Variants in WASF3 observed in about 807,000 individuals in gnomAD.
WASF3 encodes the protein WASP family member 3, also known as actin-binding protein WASF3.
Under a neutral mutation model 46.6 loss-of-function variants are expected in WASF3, and 11 were observed. The observed-to-expected ratio is 0.24, with a 90% CI of 0.15 to 0.39. The LOEUF (loss-of-function observed/expected upper bound fraction) is 0.39, where lower values mean the gene tolerates loss of function less well. WASF3 is among the 10% of genes least tolerant of loss of function. The probability of loss-of-function intolerance (pLI) is 1.00; values close to 1 mark genes in which losing one functional copy is unlikely to be tolerated. For synonymous variants in WASF3, 242 were observed against 259.7 expected, an observed-to-expected ratio of 0.93 and a Z score of 0.65; for missense variants, 576 against 669.8, an observed-to-expected ratio of 0.86 and a Z score of 1.55.
chr13:26,593,401 G>C (rs1191163266), intron 1 of WASF3, among the ~76,000 whole-genome samples: 2 of 152,054 alleles, frequency 1.3e-5, no homozygotes, highest in Non-Finnish European at 2.9e-5. Context: ...TGTCCACTCT[G>C]TTTATAATTT....
At chr13:26,666,796 G>A (rs896543601) in intron 4 of WASF3, among the ~76,000 whole-genome samples, 1 of 149,522 alleles carries the variant, frequency 6.7e-6, no homozygotes, top group African/African-American at 2.5e-5. Context: ...CTACTCGGGA[G>A]GCTGAGGCAG....
At chr13:26,671,666 C>T (rs1241830178) in intron 5 of WASF3, among the ~76,000 whole-genome samples, 1 of 152,076 alleles carries the variant, frequency 6.6e-6, no homozygotes, top group Non-Finnish European at 1.5e-5. Context: ...TTTTAACCTA[C>T]AACAGGTTAT....
chr13:26,669,338 A>AG (rs150708728), intron 5 of WASF3, among the ~76,000 whole-genome samples: 51,773 of 148,850 alleles, frequency 0.35, 9,501 homozygotes, highest in African/African-American at 0.46. Flanking sequence ...CAGCCTCCTG[A>AG]TATCTTTGAC....
At chr13:26,636,875 G>A (rs1881840962) in intron 2 of WASF3, among the ~76,000 whole-genome samples, 1 of 141,960 alleles carries the variant, frequency 7.0e-6, no homozygotes, top group South Asian at 2.1e-4. Context: ...CCTCAGCATT[G>A]GGGGATGCAA....
chr13:26,639,006 T>C (rs1298850291), intron 2 of WASF3, among the ~76,000 whole-genome samples: 3 of 152,212 alleles, frequency 2.0e-5, no homozygotes, highest in Non-Finnish European at 4.4e-5. Context: ...TTTTCCACCA[T>C]GAGTGGAAGC....
rs140517147 is a variant in WASF3 at position 26,661,038 on chromosome 13, G to A, written c.134-3990G>A. 8.2e-4 allele frequency among the ~76,000 whole-genome samples: 125 copies of A among 152,284 alleles called. No homozygotes were observed. In the Middle Eastern group the frequency reaches 0.024, roughly 29 times the overall value. On this transcript the variant is annotated intron_variant, in intron 3 of 9. Coordinates refer to ENST00000335327, the MANE Select transcript of WASF3 (RefSeq NM_006646.6). ...ACAGGAACTACTAGAGCAAAAACTC[G>A]CTCACCCAGGGAGGGCATTAGTCTA...
At chr13:26,570,302 A>AT (rs1368710708) in intron 1 of WASF3, among the ~76,000 whole-genome samples, 2 of 152,096 alleles carry the variant, frequency 1.3e-5, no homozygotes, top group Non-Finnish European at 2.9e-5. Context: ...AAAACAAAAA[A>AT]TTACACCTTG....
intron 1 of WASF3, among the ~76,000 whole-genome samples, chr13:26,588,090 C>T (rs933348375): frequency 3.3e-5 from 5 of 152,084 alleles, no homozygotes; most frequent in African/African-American, 1.2e-4. Context: ...AAGACTCAGT[C>T]TATTAAATAA....
chr13:26,573,640 T>G (rs1372055146), intron 1 of WASF3, among the ~76,000 whole-genome samples: 1 of 152,192 alleles, frequency 6.6e-6, no homozygotes, highest in Non-Finnish European at 1.5e-5. Context: ...TTTTTGTTCT[T>G]AATTTCTAGT....
At chr13:26,616,521 T>C (rs1881138487) in intron 2 of WASF3, among the ~76,000 whole-genome samples, 1 of 152,208 alleles carries the variant, frequency 6.6e-6, no homozygotes, top group South Asian at 2.1e-4. Context: ...GATATATGAT[T>C]TGTAGTTTTA....
At chr13:26,582,876 A>G (rs1880026059) in intron 1 of WASF3, among the ~76,000 whole-genome samples, 1 of 152,148 alleles carries the variant, frequency 6.6e-6, no homozygotes, top group Admixed American at 6.5e-5. Flanking sequence ...TTCTGAGACC[A>G]TACCTTGGAA....
upstream of WASF3, among the ~76,000 whole-genome samples, chr13:26,554,246 C>T (rs1233500468): frequency 6.6e-6 from 1 of 151,890 alleles, no homozygotes; most frequent in Non-Finnish European, 1.5e-5. Flanking sequence ...CCTGCCTTAG[C>T]CTCCTTCTGA....
chr13:26,564,033 C>G (rs1438227749), intron 1 of WASF3, among the ~76,000 whole-genome samples: 1 of 151,956 alleles, frequency 6.6e-6, no homozygotes, highest in Non-Finnish European at 1.5e-5. Context: ...GTTCTTGAAC[C>G]TTTTTGGTAT....
chr13:26,622,904 A>C (rs1410084205), intron 2 of WASF3, among the ~76,000 whole-genome samples: 1 of 152,222 alleles, frequency 6.6e-6, no homozygotes, highest in African/African-American at 2.4e-5. Context: ...TTCTCTTCCA[A>C]TTAGGATATA....
chr13:26,625,533 T>G (rs1011853946), intron 2 of WASF3, among the ~76,000 whole-genome samples: 10 of 152,108 alleles, frequency 6.6e-5, no homozygotes, highest in Middle Eastern at 3.4e-3. Context: ...TGTCCCAACT[T>G]AAGAAGAGAG....
intron 1 of WASF3, among the ~76,000 whole-genome samples, chr13:26,572,399 TGC>T (rs2137155350): frequency 6.6e-6 from 1 of 152,336 alleles, no homozygotes; most frequent in African/African-American, 2.4e-5. Flanking sequence ...TAAGAAAGTA[TGC>T]GTCTACTCCT....
At chr13:26,579,664 C>A (rs1593377231) in intron 1 of WASF3, among the ~76,000 whole-genome samples, 1 of 152,186 alleles carries the variant, frequency 6.6e-6, no homozygotes, top group Non-Finnish European at 1.5e-5. Context: ...CTCTCTGTAA[C>A]AGCCCCCTGG....
At chr13:26,625,370 G>T (rs938387640) in intron 2 of WASF3, among the ~76,000 whole-genome samples, 9 of 152,290 alleles carry the variant, frequency 5.9e-5, no homozygotes, top group African/African-American at 1.9e-4. Context: ...AAAGCCAGTG[G>T]TGTAATTCAT....
the WASF3 span, among the ~76,000 whole-genome samples, chr13:26,547,423 CA>C: frequency 0.27 from 41,294 of 150,602 alleles, 5,808 homozygotes; most frequent in East Asian, 0.49. Flanking sequence ...CACACACACA[CA>C]CACCCATCAT....
Sources: allele counts gnomAD v4.1 joint callset (sites outside exome capture counted in the v4.1 genomes callset), GRCh38; gene constraint gnomAD v4.1.1; transcripts MANE v1.5; gene names NCBI Gene and HGNC (gene_info 2026-07-23, HGNC 2026-07-21).